The following IL1RAPL2 variants were observed in gnomAD, a reference collection of about 807,000 sequenced individuals.
IL1RAPL2 encodes X-linked interleukin-1 receptor accessory protein-like 2.
IL1RAPL2 carries 3 observed loss-of-function variants against 44.1 expected under a neutral mutation model. The observed-to-expected ratio is 0.07, with a 90% CI of 0.03 to 0.18. The LOEUF is 0.18. Ranked by LOEUF, IL1RAPL2 falls within the 10% of genes least tolerant of loss-of-function variation. The probability of loss-of-function intolerance (pLI) is 1.00; values close to 1 mark genes in which losing one functional copy is unlikely to be tolerated. For synonymous variants in IL1RAPL2, 181 were observed against 178.8 expected, an observed-to-expected ratio of 1.01 and a Z score of -0.10; for missense variants, 391 against 496.4, an observed-to-expected ratio of 0.79 and a Z score of 2.02.
chrX:104,697,269 T>C (rs1931196985), intron 2 of IL1RAPL2, among the ~76,000 whole-genome samples: 2 of 112,141 alleles, frequency 1.8e-5, no homozygotes, highest in East Asian at 5.6e-4. Flanking sequence ...TCAGGACAAA[T>C]AGGATTTTGG....
In IL1RAPL2 at chrX:105,311,550, G is replaced by A. The variant is rs72616893; in HGVS notation, c.697+44009G>A. On this transcript the variant is annotated intron_variant, in intron 5 of 10. Coordinates refer to ENST00000372582, the MANE Select transcript of IL1RAPL2 (RefSeq NM_017416.2). ...TCTACTTATAAAATATGGAAACTTT[G>A]CTTTGCAACAGTTTGTTTTCATTTA... 6.2e-4 allele frequency among the ~76,000 whole-genome samples: 65 copies of A among 105,414 alleles called. No homozygotes were observed. In the East Asian group the frequency reaches 0.019, roughly 30 times the overall value. 91.5% of individuals were successfully genotyped at this position (105,414 alleles called of 115,157 possible).
intron 6 of IL1RAPL2, among the ~76,000 whole-genome samples, chrX:105,560,169 G>A (rs1227720355): frequency 8.9e-6 from 1 of 111,872 alleles, no homozygotes; most frequent in East Asian, 2.8e-4. Flanking sequence ...CAAGGTGCAA[G>A]CTGAGATCTT....
intron 4 of IL1RAPL2, among the ~76,000 whole-genome samples, chrX:105,256,263 A>T (rs1483535263): frequency 9.1e-6 from 1 of 110,478 alleles, no homozygotes; most frequent in Non-Finnish European, 1.9e-5. Context: ...TTCGCTATGA[A>T]TCCATCAAGT....
chrX:105,435,255 A>G (rs1375170772), intron 5 of IL1RAPL2, among the ~76,000 whole-genome samples: 2 of 111,792 alleles, frequency 1.8e-5, no homozygotes, highest in African/African-American at 3.3e-5. Context: ...CAGAATGTCA[A>G]TGGTAGTTTG....
chrX:105,415,223 G>T (rs2035724678), intron 5 of IL1RAPL2, among the ~76,000 whole-genome samples: 1 of 111,747 alleles, frequency 8.9e-6, no homozygotes, highest in Non-Finnish European at 1.9e-5. Context: ...TGGTGACTCG[G>T]GTTCCCTTCT....
chrX:104,919,657 G>A (rs11092514), intron 2 of IL1RAPL2, among the ~76,000 whole-genome samples: 37,445 of 101,329 alleles, frequency 0.37, 5,796 homozygotes, highest in East Asian at 0.46. Context: ...TTAGCCTCCC[G>A]AGTAGCTGGG....
chrX:105,445,886 A>G (rs369854114), intron 5 of IL1RAPL2, among the ~76,000 whole-genome samples: 4 of 111,593 alleles, frequency 3.6e-5, no homozygotes, highest in South Asian at 7.4e-4. Context: ...GAATTATTCT[A>G]CAAATTTCTA....
intron 2 of IL1RAPL2, among the ~76,000 whole-genome samples, chrX:105,031,701 TTC>T (rs761160790): frequency 8.9e-6 from 1 of 111,974 alleles, no homozygotes; most frequent in African/African-American, 3.2e-5. Context: ...TGGTCTAAAA[TTC>T]TCTTTTTTGG....
At chrX:104,690,951 G>A (rs746489283) in intron 2 of IL1RAPL2, among the ~76,000 whole-genome samples, 1 of 111,742 alleles carries the variant, frequency 8.9e-6, no homozygotes, top group African/African-American at 3.2e-5. Flanking sequence ...TAGGAGAGTG[G>A]TGCTGTGACA....
At chrX:104,948,336 C>G (rs2015435025) in intron 2 of IL1RAPL2, among the ~76,000 whole-genome samples, 1 of 108,597 alleles carries the variant, frequency 9.2e-6, no homozygotes. Flanking sequence ...ATGGGGTTTT[C>G]TAGATATACA....
chrX:105,418,674 CTAAACATAGTTG>C (rs2035751912), intron 5 of IL1RAPL2, among the ~76,000 whole-genome samples: 1 of 111,701 alleles, frequency 9.0e-6, no homozygotes, highest in Non-Finnish European at 1.9e-5. Context: ...TGCAATTATA[CTAAACATAGTTG>C]AATGGAGAAG....
chrX:105,285,754 A>G (rs1240494964), intron 5 of IL1RAPL2, among the ~76,000 whole-genome samples: 3 of 112,115 alleles, frequency 2.7e-5, no homozygotes, highest in Non-Finnish European at 3.8e-5. Flanking sequence ...AATTTAATCA[A>G]TGTTCCATTT....
chrX:105,626,424 C>T (rs993111520), intron 6 of IL1RAPL2, among the ~76,000 whole-genome samples: 1 of 110,802 alleles, frequency 9.0e-6, no homozygotes, highest in African/African-American at 3.3e-5. Context: ...CTGACACACC[C>T]AAAATTCCCT....
At chrX:105,286,081 T>C (rs2034568498) in intron 5 of IL1RAPL2, among the ~76,000 whole-genome samples, 1 of 111,262 alleles carries the variant, frequency 9.0e-6, no homozygotes, top group Non-Finnish European at 1.9e-5. Context: ...CCCCACAAAC[T>C]AGTTTATGAA....
At chrX:104,700,774 G>C (rs1414987206) in intron 2 of IL1RAPL2, among the ~76,000 whole-genome samples, 2 of 111,095 alleles carry the variant, frequency 1.8e-5, no homozygotes, top group East Asian at 5.7e-4. Flanking sequence ...AATGGATATG[G>C]GCAGTTGACA....
At chrX:105,305,474 A>C (rs1350044321) in intron 5 of IL1RAPL2, among the ~76,000 whole-genome samples, 1 of 109,702 alleles carries the variant, frequency 9.1e-6, no homozygotes, top group African/African-American at 3.3e-5. Context: ...ATGTCCCTTC[A>C]TTCCTCTTCC....
At chrX:104,833,031 T>C (rs952054255) in intron 2 of IL1RAPL2, among the ~76,000 whole-genome samples, 12 of 112,485 alleles carry the variant, frequency 1.1e-4, no homozygotes, top group Admixed American at 7.6e-4. Context: ...TCTTTATGAG[T>C]AGAAGACTAC....
intron 2 of IL1RAPL2, among the ~76,000 whole-genome samples, chrX:104,781,126 A>AT (rs1409360045): frequency 9.3e-6 from 1 of 107,749 alleles, no homozygotes; most frequent in Non-Finnish European, 1.9e-5. Flanking sequence ...GACTTTTTTC[A>AT]TTTTTTTAAA....
intron 2 of IL1RAPL2, among the ~76,000 whole-genome samples, chrX:104,940,068 G>A (rs1203904242): frequency 9.0e-6 from 1 of 111,515 alleles, no homozygotes; most frequent in African/African-American, 3.3e-5. Flanking sequence ...TGAATTGCAT[G>A]TTTAAAATGT....
Sources: gnomAD v4.1 joint callset for allele counts (sites outside exome capture counted in the v4.1 genomes callset) on GRCh38, gnomAD v4.1.1 for gene constraint, MANE v1.5 for transcripts, NCBI Gene and HGNC (gene_info 2026-07-23, HGNC 2026-07-21) for gene names.